Variants in USP32 observed in about 807,000 individuals in gnomAD.
The protein encoded by USP32 is ubiquitin carboxyl-terminal hydrolase 32.
In USP32, 59 loss-of-function variants were observed where a neutral mutation model predicts 204.8. That is an observed-to-expected ratio of 0.29 (90% confidence interval 0.23 to 0.36). The LOEUF is 0.36. USP32 is among the 10% of genes least tolerant of loss of function. The pLI is 1.00. For missense variants in USP32, 1,160 were observed against 1,946.4 expected (o/e 0.60, Z 7.60); for synonymous variants, 517 against 678.4 (o/e 0.76, Z 3.70).
At chr17:60,391,094 G>C (rs1237177321) in intron 1 of USP32, among the ~76,000 whole-genome samples, 1 of 152,212 alleles carries the variant, frequency 6.6e-6, no homozygotes, top group Non-Finnish European at 1.5e-5. Flanking sequence ...AGCCAGGCCA[G>C]TCTCTAAAGG....
intron 9 of USP32, among the ~76,000 whole-genome samples, chr17:60,261,602 TTCCAC>T (rs1216255804): frequency 1.3e-5 from 2 of 151,694 alleles, no homozygotes; most frequent in African/African-American, 4.8e-5. Flanking sequence ...GCCGAGATCA[TTCCAC>T]TGCACTCCAG....
rs1156430668 is a variant in USP32 at position 60,178,343 on chromosome 17, C to T, written c.*912G>A. On this transcript the variant is annotated 3_prime_UTR_variant, in exon 34 of 34. Coordinates refer to ENST00000300896, the MANE Select transcript of USP32 (RefSeq NM_032582.4). ...TGTGAAACGTGATCTAGCTCCAATG[C>T]CACTTACCTTCCCAGAAGCTCTTGT... 1.3e-5 allele frequency among the ~76,000 whole-genome samples: 2 copies of T among 152,218 alleles called. No homozygotes were observed.
chr17:60,221,427 G>A (rs1238620905), intron 15 of USP32, among the ~76,000 whole-genome samples: 2 of 151,790 alleles, frequency 1.3e-5, no homozygotes, highest in South Asian at 2.1e-4. Flanking sequence ...AGAAGTTAAC[G>A]TACCATATCT....
At chr17:60,400,611 A>G (rs2089927975) in intron 1 of USP32, among the ~76,000 whole-genome samples, 5 of 152,226 alleles carry the variant, frequency 3.3e-5, no homozygotes, top group African/African-American at 7.2e-5. Flanking sequence ...TGAGATGTCT[A>G]TTAGACATCC....
At chr17:60,345,630 T>G (rs753960406) in intron 1 of USP32, 22 bp from the exon 2 acceptor site, 3 of 1,613,622 alleles carry the variant, frequency 1.9e-6, no homozygotes, top group Non-Finnish European at 1.7e-6. Context: ...AAACAGAAGA[T>G]GGGTAAGAAA....
At chr17:60,416,298 G>A (rs1281295296) in intron 1 of USP32, among the ~76,000 whole-genome samples, 4 of 152,146 alleles carry the variant, frequency 2.6e-5, no homozygotes, top group Non-Finnish European at 5.9e-5. Flanking sequence ...TTCTATGTAT[G>A]CTTAATTCAG....
At chr17:60,394,649 GTA>G (rs1375332871), upstream of USP32, among the ~76,000 whole-genome samples, 1 of 152,146 alleles carries the variant, frequency 6.6e-6, no homozygotes, top group Non-Finnish European at 1.5e-5. Context: ...AACCTAAATG[GTA>G]TATCCTGCAG....
intron 1 of USP32, among the ~76,000 whole-genome samples, chr17:60,376,616 C>T (rs1421726975): frequency 2.0e-5 from 3 of 151,820 alleles, no homozygotes; most frequent in Admixed American, 6.6e-5. Context: ...CTCTGCCTCC[C>T]GGATTCAAGC....
intron 4 of USP32, among the ~76,000 whole-genome samples, chr17:60,294,129 C>T (rs62084570): frequency 1.6e-3 from 249 of 152,258 alleles, no homozygotes; most frequent in Middle Eastern, 3.4e-3. Context: ...TGGTCTTGAA[C>T]TCCTGGGCTC....
At chr17:60,264,857 CAAAAAAAAAA>C (rs34027846) in intron 9 of USP32, among the ~76,000 whole-genome samples, 14 of 43,518 alleles carry the variant, frequency 3.2e-4, no homozygotes, top group African/African-American at 7.8e-4. Context: ...AAGACTCTGT[CAAAAAAAAAA>C]AAAAAAAAAA....
intron 1 of USP32, among the ~76,000 whole-genome samples, chr17:60,349,270 AAT>A (rs1173309045): frequency 6.6e-6 from 1 of 151,020 alleles, no homozygotes; most frequent in Non-Finnish European, 1.5e-5. Context: ...ACTACTTGGT[AAT>A]ATGTTTTTTA....
chr17:60,350,172 G>A (rs561578633), intron 1 of USP32, among the ~76,000 whole-genome samples: 1 of 151,760 alleles, frequency 6.6e-6, no homozygotes, highest in Non-Finnish European at 1.5e-5. Context: ...ACTGCCACAC[G>A]TGGATAATTT....
chr17:60,314,642 A>C (rs1289359676), intron 2 of USP32, among the ~76,000 whole-genome samples: 1 of 152,146 alleles, frequency 6.6e-6, no homozygotes, highest in Non-Finnish European at 1.5e-5. Flanking sequence ...CTGTACTTAG[A>C]GACAAAGAAA....
intron 1 of USP32, among the ~76,000 whole-genome samples, chr17:60,378,708 TA>T (rs2089595759): frequency 6.6e-6 from 1 of 152,166 alleles, no homozygotes; most frequent in Non-Finnish European, 1.5e-5. Flanking sequence ...CGATTCTATT[TA>T]CATGAAGTAT....
chr17:60,337,984 G>C (rs1395923122), intron 2 of USP32, among the ~76,000 whole-genome samples: 2 of 152,184 alleles, frequency 1.3e-5, no homozygotes, highest in Non-Finnish European at 2.9e-5. Context: ...AGGCTTTAAT[G>C]CTTGAAAGAG....
chr17:60,333,016 CAAAG>C (rs1342052150), intron 2 of USP32, among the ~76,000 whole-genome samples: 2 of 151,844 alleles, frequency 1.3e-5, no homozygotes, highest in African/African-American at 4.8e-5. Context: ...GAGAGAATGT[CAAAG>C]AAAGACTACT....
In USP32 at chr17:60,345,534, G is replaced by A. The variant is rs373489871; in HGVS notation, c.133C>T (p.His45Tyr). The A allele has an allele frequency of 6.2e-7, 1 of 1,614,212 alleles. No homozygotes were observed. Among genetic ancestry groups the A allele is most frequent in the Admixed American group, 1.7e-5 (1 of 60,026 alleles). ...TCGLSYYMGQHCFIREVLGDG... is the reference protein window; with the variant it reads ...TCGLSYYMGQYCFIREVLGDG... ...CCAAGCACTTCCCGGATGAAGCAGT[G>A]CTGGCCCATGTAATATGAGAGTCCA... The change falls in exon 2 of 34, where the codon CAC becomes TAC. Residue 45 changes from histidine to tyrosine, a missense_variant. Transcript: ENST00000300896.
At chr17:60,234,534 T>C (rs938408935) in intron 12 of USP32, among the ~76,000 whole-genome samples, 3 of 151,174 alleles carry the variant, frequency 2.0e-5, no homozygotes, top group African/African-American at 7.3e-5. Context: ...GAGACCATCC[T>C]GGCTAACACA....
At chr17:60,181,275 T>C (rs1482430853) in intron 32 of USP32, 49 bp downstream of exon 32, 1 of 1,559,484 alleles carries the variant, frequency 6.4e-7, no homozygotes, top group Non-Finnish European at 8.7e-7. Flanking sequence ...TGAAGACAAG[T>C]GAACAAAACA....
Sources: allele counts gnomAD v4.1 joint callset (sites outside exome capture counted in the v4.1 genomes callset), GRCh38; gene constraint gnomAD v4.1.1; transcripts MANE v1.5; gene names NCBI Gene and HGNC (gene_info 2026-07-23, HGNC 2026-07-21).